NEGR1: variants seen among roughly 807,000 people sequenced by gnomAD.
NEGR1 encodes IgLON family member 4.
Under a neutral mutation model 40.9 loss-of-function variants are expected in NEGR1, and 10 were observed. The observed-to-expected ratio is 0.24, with a 90% confidence interval of 0.15 to 0.42. The LOEUF (loss-of-function observed/expected upper bound fraction) is 0.42, where lower values mean the gene tolerates loss of function less well. Ranked by LOEUF, NEGR1 falls within the 10% of genes least tolerant of loss-of-function variation. NEGR1 has a pLI of 1.00. For synonymous variants in NEGR1, 185 were observed against 166.8 expected, an observed-to-expected ratio of 1.11 and a Z score of -0.84; for missense variants, 352 against 438.9, an observed-to-expected ratio of 0.80 and a Z score of 1.77.
At chr1:71,678,923 A>G (rs962107182) in intron 4 of NEGR1, among the ~76,000 whole-genome samples, 1 of 152,174 alleles carries the variant, frequency 6.6e-6, no homozygotes, top group Non-Finnish European at 1.5e-5. Flanking sequence ...AAGAGGCTAA[A>G]TGTGCCAGTC....
chr1:72,109,914 G>A (rs1331343003), intron 1 of NEGR1, among the ~76,000 whole-genome samples: 2 of 151,598 alleles, frequency 1.3e-5, no homozygotes, highest in Non-Finnish European at 3.0e-5. Flanking sequence ...TTCTTACTCA[G>A]TTTGTTCCCC....
In NEGR1 at chr1:71,435,052, A is replaced by C. The variant is rs367877976; in HGVS notation, c.941-27482T>G. Among the ~76,000 whole-genome samples the C allele has an allele frequency of 7.5e-4, 114 of 151,864 alleles. 1 individual carries two copies. Among genetic ancestry groups the C allele is most frequent in the African/African-American group, 1.8e-3 (75 of 41,420 alleles). On this transcript the variant is annotated intron_variant, in intron 6 of 6. Transcript: ENST00000357731. ...CTTGCAGTGAGCCGAGATTGCGCCA[A>C]TGCACTCCAGCCTGGGCGACAGAGC...
intron 4 of NEGR1, among the ~76,000 whole-genome samples, chr1:71,641,368 G>T (rs1651343702): frequency 1.3e-5 from 2 of 152,016 alleles, no homozygotes; most frequent in African/African-American, 2.4e-5. Context: ...CATTAAAAAA[G>T]AATGAAGTTT....
At chr1:71,913,807 A>G (rs1466419736) in intron 2 of NEGR1, among the ~76,000 whole-genome samples, 3 of 151,860 alleles carry the variant, frequency 2.0e-5, no homozygotes, top group Admixed American at 6.6e-5. Context: ...AGTCATTTAC[A>G]CATGGTTGCA....
intron 1 of NEGR1, chr1:72,274,622 G>T: frequency 1.2e-6 from 1 of 808,030 alleles, no homozygotes; most frequent in Non-Finnish European, 2.2e-6. Flanking sequence ...TATGGCCTTG[G>T]AGAACTGCCC....
intron 1 of NEGR1, among the ~76,000 whole-genome samples, chr1:72,200,443 C>A (rs890744353): frequency 3.9e-5 from 6 of 151,954 alleles, no homozygotes; most frequent in Non-Finnish European, 5.9e-5. Flanking sequence ...CATGTTCTCA[C>A]TTACAGGTGG....
At chr1:72,051,293 G>A (rs970753499) in intron 1 of NEGR1, among the ~76,000 whole-genome samples, 5 of 151,344 alleles carry the variant, frequency 3.3e-5, no homozygotes, top group Non-Finnish European at 7.4e-5. Flanking sequence ...ATGAGATGAC[G>A]ACTTGATAAT....
intron 3 of NEGR1, among the ~76,000 whole-genome samples, chr1:71,750,036 G>C (rs1260208376): frequency 1.4e-5 from 2 of 147,236 alleles, no homozygotes; most frequent in Non-Finnish European, 3.0e-5. Context: ...GCCCAGGCCG[G>C]ACTGCGGACT....
chr1:71,669,659 C>CT (rs36110917), intron 4 of NEGR1, among the ~76,000 whole-genome samples: 35 of 149,954 alleles, frequency 2.3e-4, no homozygotes, highest in Middle Eastern at 3.4e-3. Flanking sequence ...TGCTACGTAA[C>CT]TTTTTTTTTT....
intron 1 of NEGR1, among the ~76,000 whole-genome samples, chr1:72,108,877 A>C (rs1166268338): frequency 6.6e-6 from 1 of 151,488 alleles, no homozygotes; most frequent in Non-Finnish European, 1.5e-5. Context: ...ACAGGTAAAC[A>C]ATTTCTAACT....
chr1:71,485,445 T>G (rs1646881786), intron 6 of NEGR1, among the ~76,000 whole-genome samples: 1 of 151,554 alleles, frequency 6.6e-6, no homozygotes, highest in Non-Finnish European at 1.5e-5. Flanking sequence ...CATTATTATC[T>G]CCCAGAGTCT....
chr1:71,562,628 A>T (rs939535040), intron 6 of NEGR1, among the ~76,000 whole-genome samples: 3 of 151,970 alleles, frequency 2.0e-5, no homozygotes, highest in African/African-American at 7.2e-5. Context: ...TTAAAAATGT[A>T]TGAAATTACT....
intron 6 of NEGR1, among the ~76,000 whole-genome samples, chr1:71,525,518 T>C (rs1447159786): frequency 6.6e-6 from 1 of 151,720 alleles, no homozygotes; most frequent in African/African-American, 2.4e-5. Context: ...TCACATTAAC[T>C]CACTCATTCA....
intron 1 of NEGR1, among the ~76,000 whole-genome samples, chr1:72,162,418 A>T (rs1651603830): frequency 6.6e-6 from 1 of 152,170 alleles, no homozygotes; most frequent in South Asian, 2.1e-4. Flanking sequence ...GCCAGCCGAG[A>T]TCGTGCCACT....
chr1:71,524,619 C>T (rs893884820), intron 6 of NEGR1, among the ~76,000 whole-genome samples: 19 of 151,486 alleles, frequency 1.3e-4, no homozygotes, highest in Admixed American at 2.6e-4. Flanking sequence ...GTATGGTTTA[C>T]GGAGTGATGA....
intron 6 of NEGR1, among the ~76,000 whole-genome samples, chr1:71,521,852 G>T (rs1232968340): frequency 2.6e-5 from 4 of 151,940 alleles, no homozygotes; most frequent in African/African-American, 9.7e-5. Context: ...TAGCCCAGAG[G>T]TGCCACCTAG....
rs1214817416 is a variant in NEGR1 at position 71,398,314 on chromosome 1, C to T, written c.*9132G>A. The stretch of plus-strand genomic sequence containing the variant: ...TGGAAAAGGCACAGACACTCAATGC[C>T]AGCTGGTGAAAGCAGCCAGGAGGAG... On this transcript the variant is annotated 3_prime_UTR_variant, in exon 7 of 7. Transcript: ENST00000357731. The T allele has an allele frequency of 1.3e-5, 2 of 152,504 alleles. No individual in the cohort carries two copies. Among genetic ancestry groups the T allele is most frequent in the Non-Finnish European group, 2.9e-5 (2 of 68,290 alleles). The allele number at this position is 152,504 out of a possible 1,614,324, so 9.4% of individuals were successfully genotyped here.
At chr1:71,697,309 G>C (rs1653508981) in intron 4 of NEGR1, among the ~76,000 whole-genome samples, 1 of 151,716 alleles carries the variant, frequency 6.6e-6, no homozygotes, top group East Asian at 1.9e-4. Flanking sequence ...ACATTTTTTA[G>C]ATAAAGACTT....
At chr1:71,488,755 C>G (rs755123503) in intron 6 of NEGR1, among the ~76,000 whole-genome samples, 1 of 151,656 alleles carries the variant, frequency 6.6e-6, no homozygotes, top group Non-Finnish European at 1.5e-5. Context: ...GATAGCCCAT[C>G]TGAGATCCTT....
Sources: allele counts gnomAD v4.1 joint callset (sites outside exome capture counted in the v4.1 genomes callset), GRCh38; gene constraint gnomAD v4.1.1; transcripts MANE v1.5; gene names NCBI Gene and HGNC (gene_info 2026-07-23, HGNC 2026-07-21).